Variants in HEXB observed in about 807,000 individuals in gnomAD.
HEXB encodes the protein hexosaminidase subunit beta.
A neutral mutation model predicts 71.2 loss-of-function variants in HEXB; 51 were observed. That is an observed-to-expected ratio of 0.72 (90% CI 0.57 to 0.90). The LOEUF is 0.90. Among genes scored for constraint, HEXB ranks in the 40% least tolerant of loss-of-function variants. The probability of loss-of-function intolerance (pLI) is 0.00; values close to 1 mark genes in which losing one functional copy is unlikely to be tolerated. For synonymous variants in HEXB, 266 were observed against 249.3 expected, an observed-to-expected ratio of 1.07 and a Z score of -0.63; for missense variants, 617 against 677.0, an observed-to-expected ratio of 0.91 and a Z score of 0.98.
At chr5:74,719,826 C>T (rs1256939529) in intron 11 of HEXB, among the ~76,000 whole-genome samples, 2 of 151,494 alleles carry the variant, frequency 1.3e-5, no homozygotes, top group Non-Finnish European at 2.9e-5. Context: ...CCTGTAATCC[C>T]AGCTATTCGG....
intron 1 of HEXB, among the ~76,000 whole-genome samples, chr5:74,674,772 C>G (rs820841): frequency 1.3e-5 from 2 of 151,764 alleles, no homozygotes. Context: ...ACATCTCTGT[C>G]AAGGCTTAAG....
chr5:74,693,318 A>T (rs1002781004), intron 2 of HEXB, among the ~76,000 whole-genome samples: 2 of 152,216 alleles, frequency 1.3e-5, no homozygotes, highest in Admixed American at 1.3e-4. Context: ...ATGAGGAAAC[A>T]TGGAGTTGAC....
chr5:74,667,618 A>G (rs1037158493), intron 1 of HEXB, among the ~76,000 whole-genome samples: 1 of 152,160 alleles, frequency 6.6e-6, no homozygotes, highest in Admixed American at 6.5e-5. Context: ...GGTCAAGTGA[A>G]TGTCCAGAAG....
chr5:74,658,245 T>C (rs1446874968), intron 1 of HEXB, among the ~76,000 whole-genome samples: 1 of 152,174 alleles, frequency 6.6e-6, no homozygotes, highest in Non-Finnish European at 1.5e-5. Context: ...CTGGCACCCA[T>C]GAACACATTT....
chr5:74,640,835 T>C (rs6893789), intron 1 of HEXB: 95,596 of 152,398 alleles, frequency 0.63, 30,196 homozygotes, highest in Middle Eastern at 0.77. Context: ...TAGCGCGGCC[T>C]GTGGTGTAGG....
chr5:74,654,218 T>TTTACA (rs10664688), intron 1 of HEXB, among the ~76,000 whole-genome samples: 121,674 of 151,446 alleles, frequency 0.8, 49,058 homozygotes, highest in Admixed American at 0.86. Context: ...CAGGTATTTA[T>TTTACA]CCAGTGCTTC....
chr5:74,697,448 A>C (rs1481883205), intron 5 of HEXB, among the ~76,000 whole-genome samples: 1 of 152,180 alleles, frequency 6.6e-6, no homozygotes, highest in Non-Finnish European at 1.5e-5. Flanking sequence ...ATGGCCACCC[A>C]GGTGCGGTGG....
intron 1 of HEXB, among the ~76,000 whole-genome samples, chr5:74,655,648 T>C (rs916855591): frequency 4.6e-5 from 7 of 152,196 alleles, no homozygotes; most frequent in African/African-American, 1.7e-4. Context: ...GAATCATTCA[T>C]TTTAATTATT....
At chr5:74,666,364 C>T (rs967089126) in intron 1 of HEXB, among the ~76,000 whole-genome samples, 10 of 152,180 alleles carry the variant, frequency 6.6e-5, no homozygotes, top group African/African-American at 2.4e-4. Flanking sequence ...TGTGTATGCA[C>T]GTAATTGGAG....
rs1749133583 is a variant in HEXB at position 74,697,235 on chromosome 5, T to G, written c.669+129T>G. On this transcript the variant is annotated intron_variant, in intron 5 of 13. Transcript: ENST00000261416. ...TGTATAAGCACTGGGCATTCTTTCC[T>G]CAGTTCCTAGGGAAGTGTATTTCCT... 1.9e-5 allele frequency: 13 copies of G among 669,990 alleles called. No homozygotes were observed. In the South Asian group the frequency reaches 2.1e-4, roughly 11 times the overall value. The allele number at this position is 669,990 out of a possible 1,614,324, so 41.5% of individuals were successfully genotyped here. A position where few individuals can be genotyped will look rare whatever the true frequency, so the allele number is the denominator to read the frequency against.
In HEXB at chr5:74,693,622, T is replaced by G. The variant is rs1183671097; in HGVS notation, c.446-17T>G. The G allele has an allele frequency of 2.5e-5, 39 of 1,586,538 alleles. No homozygotes were observed. The highest frequency in any genetic ancestry group is 3.3e-5 in the Non-Finnish European group (38 of 1,154,938). On this transcript the variant is annotated splice_polypyrimidine_tract_variant and intron_variant, in intron 2 of 13. Transcript: ENST00000261416. ...GATTAACAAAAGTGTGTGTGTGATT[T>G]TAAATCCTCAATACAGATACTTTAC...
intron 3 of HEXB, among the ~76,000 whole-genome samples, chr5:74,696,092 C>G (rs1580383120): frequency 6.6e-6 from 1 of 152,126 alleles, no homozygotes; most frequent in Non-Finnish European, 1.5e-5. Flanking sequence ...GTTAAAAATT[C>G]CCTGGCTATA....
chr5:74,662,206 A>T lies in HEXB; in HGVS notation c.-377+21648A>T, dbSNP rs555143059. On this transcript the variant is annotated intron_variant, in intron 1 of 13. Coordinates refer to the HEXB transcript ENST00000511181. ...TTGTGCTGTGCACAGACATGGTAAT[A>T]CTCATTAGACAATTTTATTTTCAGA... Among the ~76,000 whole-genome samples the T allele has an allele frequency of 6.3e-4, 96 of 151,854 alleles. 1 individual carries two copies. Among genetic ancestry groups the T allele is most frequent in the Admixed American group, 2.2e-3 (33 of 15,286 alleles).
At chr5:74,654,466 C>T (rs1015148871) in intron 1 of HEXB, among the ~76,000 whole-genome samples, 7 of 152,126 alleles carry the variant, frequency 4.6e-5, no homozygotes, top group Non-Finnish European at 1.0e-4. Flanking sequence ...ACTAACAGCT[C>T]CCCAATTCCC....
intron 1 of HEXB, among the ~76,000 whole-genome samples, chr5:74,686,918 G>A (rs1748888432): frequency 6.6e-6 from 1 of 152,192 alleles, no homozygotes; most frequent in African/African-American, 2.4e-5. Context: ...TTTTCCTTCT[G>A]TGTCATACTG....
upstream of HEXB, chr5:74,685,196 C>T (rs1428840264): frequency 3.5e-6 from 5 of 1,430,104 alleles, no homozygotes; most frequent in Non-Finnish European, 2.7e-6. Context: ...CTGATCCGGG[C>T]CGGGCGGGAA....
At chr5:74,721,007 T>C (rs1749832544) in intron 13 of HEXB, 111 bp from the exon 14 acceptor site, 1 of 973,710 alleles carries the variant, frequency 1.0e-6, no homozygotes, top group Non-Finnish European at 1.6e-6. Context: ...TGCTGTGATT[T>C]AGTGATTCTA....
intron 1 of HEXB, among the ~76,000 whole-genome samples, chr5:74,668,793 A>G (rs1748481322): frequency 6.6e-6 from 1 of 152,224 alleles, no homozygotes; most frequent in Non-Finnish European, 1.5e-5. Flanking sequence ...GATTTAGTCT[A>G]TGAAGGATTG....
At chr5:74,707,698 GATGAAATGA>G (rs1749433157) in intron 6 of HEXB, among the ~76,000 whole-genome samples, 2 of 152,136 alleles carry the variant, frequency 1.3e-5, no homozygotes, top group African/African-American at 2.4e-5. Flanking sequence ...AGTGATGGAA[GATGAAATGA>G]ATGAAATGAA....
Sources: allele counts gnomAD v4.1 joint callset (sites outside exome capture counted in the v4.1 genomes callset), GRCh38; gene constraint gnomAD v4.1.1; transcripts MANE v1.5; gene names NCBI Gene and HGNC (gene_info 2026-07-23, HGNC 2026-07-21).